The following SDK1 variants were observed in gnomAD, a reference collection of about 807,000 sequenced individuals.
SDK1 encodes sidekick cell adhesion molecule 1.
In SDK1, 157 loss-of-function variants were observed where a neutral mutation model predicts 245.5. The observed-to-expected ratio is 0.64, with a 90% confidence interval of 0.56 to 0.73. The LOEUF (loss-of-function observed/expected upper bound fraction) is 0.73, where lower values mean the gene tolerates loss of function less well. SDK1 is among the 30% of genes least tolerant of loss of function. The pLI, the probability that SDK1 is intolerant of heterozygous loss-of-function variation, is 0.00. For synonymous variants in SDK1, 1,647 were observed against 1,278.5 expected, an observed-to-expected ratio of 1.29 and a Z score of -6.15; for missense variants, 3,583 against 3,002.3, an observed-to-expected ratio of 1.19 and a Z score of -4.52.
At chr7:3,928,359 C>G (rs1779850488) in intron 5 of SDK1, among the ~76,000 whole-genome samples, 1 of 152,156 alleles carries the variant, frequency 6.6e-6, no homozygotes, top group Non-Finnish European at 1.5e-5. Flanking sequence ...TAAAATCCCT[C>G]AATTCTACAA....
chr7:3,316,391 A>G lies in SDK1; in HGVS notation c.298+14507A>G, dbSNP rs548657903. Among the ~76,000 whole-genome samples the G allele has an allele frequency of 3.9e-5, 6 of 152,278 alleles. No individual in the cohort carries two copies. The South Asian group carries it at 1.0e-3, about 26-fold the overall frequency. On this transcript the variant is annotated intron_variant, in intron 1 of 44. Transcript: ENST00000404826. ...GTTTGTAGCCTGGGAGCAATAGGCT[A>G]TATATCATATAACCTAGGTGTGTAG...
chr7:4,090,710 G>T (rs1167394295), intron 22 of SDK1, among the ~76,000 whole-genome samples: 1 of 152,086 alleles, frequency 6.6e-6, no homozygotes, highest in Non-Finnish European at 1.5e-5. Context: ...GTGGAGAGTG[G>T]GATTTAGAAA....
At chr7:4,192,021 G>T (rs376103143) in intron 35 of SDK1, among the ~76,000 whole-genome samples, 1 of 152,164 alleles carries the variant, frequency 6.6e-6, no homozygotes, top group African/African-American at 2.4e-5. Flanking sequence ...ACTCTCTTCC[G>T]AGAGAACTCT....
chr7:4,221,566 C>G (rs1262400920), intron 40 of SDK1, among the ~76,000 whole-genome samples: 1 of 152,166 alleles, frequency 6.6e-6, no homozygotes, highest in Non-Finnish European at 1.5e-5. Flanking sequence ...TGCGGTTCAC[C>G]TTAAGGGCAT....
intron 1 of SDK1, among the ~76,000 whole-genome samples, chr7:3,441,202 T>C (rs1404990339): frequency 6.6e-6 from 1 of 152,136 alleles, no homozygotes; most frequent in Non-Finnish European, 1.5e-5. Flanking sequence ...CTAGTTATTG[T>C]TAATATTTTA....
chr7:4,062,005 A>C (rs1779575291), intron 19 of SDK1, among the ~76,000 whole-genome samples: 1 of 120,838 alleles, frequency 8.3e-6, no homozygotes, highest in Non-Finnish European at 1.7e-5. Flanking sequence ...GGGGGGAGGG[A>C]TAGCACTAGG....
intron 4 of SDK1, among the ~76,000 whole-genome samples, chr7:3,800,431 G>C (rs555574210): frequency 1.3e-5 from 2 of 151,694 alleles, no homozygotes; most frequent in Admixed American, 6.6e-5. Context: ...ACCCAGGCTG[G>C]AGTGCAATGG....
intron 4 of SDK1, among the ~76,000 whole-genome samples, chr7:3,782,717 G>A (rs182835250): frequency 2.0e-4 from 30 of 152,232 alleles, no homozygotes; most frequent in Admixed American, 8.5e-4. Flanking sequence ...AATATGTAAC[G>A]CAAGGGTATC....
At chr7:3,869,234 C>T (rs184659744) in intron 5 of SDK1, among the ~76,000 whole-genome samples, 56 of 150,206 alleles carry the variant, frequency 3.7e-4, no homozygotes, top group Non-Finnish European at 6.8e-4. Flanking sequence ...CGGCCCACTG[C>T]AATCTCCACC....
At chr7:3,515,915 G>T (rs1782731567) in intron 1 of SDK1, among the ~76,000 whole-genome samples, 2 of 152,086 alleles carry the variant, frequency 1.3e-5, no homozygotes, top group Non-Finnish European at 2.9e-5. Flanking sequence ...AGATTTAGCT[G>T]AAATTTTTCG....
At chr7:4,142,863 G>C (rs1779669389) in intron 28 of SDK1, among the ~76,000 whole-genome samples, 1 of 152,194 alleles carries the variant, frequency 6.6e-6, no homozygotes, top group African/African-American at 2.4e-5. Context: ...TTAGACAAAA[G>C]GCAGCTTAAG....
At chr7:3,406,937 C>G (rs539792642) in intron 1 of SDK1, among the ~76,000 whole-genome samples, 1 of 151,552 alleles carries the variant, frequency 6.6e-6, no homozygotes, top group Non-Finnish European at 1.5e-5. Flanking sequence ...AGAAAATATC[C>G]TTTTTTAGTT....
intron 9 of SDK1, among the ~76,000 whole-genome samples, chr7:3,964,302 C>T (rs893466281): frequency 2.0e-5 from 3 of 152,158 alleles, no homozygotes; most frequent in African/African-American, 7.2e-5. Flanking sequence ...ACTCCCCGGC[C>T]CTAGTACCCT....
chr7:3,749,023 T>G (rs1779702012), intron 4 of SDK1, among the ~76,000 whole-genome samples: 1 of 152,216 alleles, frequency 6.6e-6, no homozygotes, highest in Admixed American at 6.5e-5. Flanking sequence ...GATGGAGACA[T>G]GCCAGTAATG....
At chr7:4,186,852 C>T (rs966447914) in intron 35 of SDK1, among the ~76,000 whole-genome samples, 4 of 152,120 alleles carry the variant, frequency 2.6e-5, no homozygotes, top group South Asian at 2.1e-4. Context: ...GGGAGGAAGG[C>T]GCCCCTCCTA....
At chr7:4,244,405 C>T (rs988765970) in intron 43 of SDK1, among the ~76,000 whole-genome samples, 7 of 152,134 alleles carry the variant, frequency 4.6e-5, no homozygotes, top group Admixed American at 6.5e-5. Flanking sequence ...GCACACCCTT[C>T]GGAGGACTAA....
intron 4 of SDK1, among the ~76,000 whole-genome samples, chr7:3,772,322 A>G (rs1387593718): frequency 1.3e-5 from 2 of 152,082 alleles, no homozygotes; most frequent in East Asian, 1.9e-4. Flanking sequence ...CTAAAGTCAA[A>G]TACTCTTAAT....
rs762978309 is a variant in SDK1, at chr7:3,962,770, C to A, written c.1348C>A (p.Pro450Thr). ...AGGCCTGCGCATCCAGAAGCTGCGT[C>A]CAGAGGACTCCGGAATCTTCCAGTG... ...SGGLRIQKLR[P>T]EDSGIFQCFA... Residue 450 changes from proline (P) to threonine (T), a missense_variant, in exon 9 of 45, where the codon CCA becomes ACA. Coordinates refer to ENST00000404826, the MANE Select transcript of SDK1 (RefSeq NM_152744.4). 6.2e-7 allele frequency: 1 copy of A among 1,613,716 alleles called. No homozygotes were observed. The highest frequency in any genetic ancestry group is 1.3e-5 in the African/African-American group (1 of 75,036).
At chr7:3,630,569 G>C (rs1332679847) in intron 2 of SDK1, among the ~76,000 whole-genome samples, 1 of 152,172 alleles carries the variant, frequency 6.6e-6, no homozygotes, top group Non-Finnish European at 1.5e-5. Context: ...CCAGGAGGCA[G>C]AGATTGCAGT....
Sources: allele counts gnomAD v4.1 joint callset (sites outside exome capture counted in the v4.1 genomes callset), GRCh38; gene constraint gnomAD v4.1.1; transcripts MANE v1.5; gene names NCBI Gene and HGNC (gene_info 2026-07-23, HGNC 2026-07-21).